Variants in TBCA observed in about 807,000 individuals in gnomAD.
TBCA encodes the protein tubulin folding cofactor A.
A neutral mutation model predicts 15.8 loss-of-function variants in TBCA; 6 were observed. That is an observed-to-expected ratio of 0.38 (90% CI 0.21 to 0.75). The LOEUF (loss-of-function observed/expected upper bound fraction) is 0.75, where lower values mean the gene tolerates loss of function less well. Ranked by LOEUF, TBCA falls within the 30% of genes least tolerant of loss-of-function variation. The pLI is 0.46. For synonymous variants in TBCA, 32 were observed against 42.3 expected (o/e 0.76, Z 0.94); for missense variants, 90 against 131.2 (o/e 0.69, Z 1.53).
intron 1 of TBCA, among the ~76,000 whole-genome samples, chr5:77,718,323 G>T (rs1225769049): frequency 6.6e-6 from 1 of 152,146 alleles, no homozygotes; most frequent in Non-Finnish European, 1.5e-5. Flanking sequence ...TGGAGAGTGG[G>T]AATTAAGTAG....
intron 2 of TBCA, chr5:77,694,411 C>T (rs772850037): frequency 9.9e-5 from 15 of 151,970 alleles, no homozygotes; most frequent in Non-Finnish European, 2.1e-4. Context: ...TATTTCTGGA[C>T]GTAAAGTCCA....
At chr5:77,691,876 A>G (rs1231967803) in intron 3 of TBCA, 2 of 998,050 alleles carry the variant, frequency 2.0e-6, no homozygotes, top group Non-Finnish European at 2.4e-6. Context: ...CATATATGAC[A>G]GCATTCAGGC....
At chr5:77,699,478 T>C (rs1745954946) in intron 2 of TBCA, among the ~76,000 whole-genome samples, 1 of 152,092 alleles carries the variant, frequency 6.6e-6, no homozygotes, top group Admixed American at 6.6e-5. Context: ...AGCAATTCAA[T>C]GAAAGGAAGA....
intron 1 of TBCA, among the ~76,000 whole-genome samples, chr5:77,755,917 T>C (rs972906045): frequency 1.3e-5 from 2 of 152,072 alleles, no homozygotes; most frequent in African/African-American, 4.8e-5. Context: ...GGCGGGAGGA[T>C]AGCTCGAACC....
chr5:77,716,551 ATATCATT>A (rs966177315), intron 1 of TBCA, among the ~76,000 whole-genome samples: 15 of 152,330 alleles, frequency 9.8e-5, no homozygotes, highest in Middle Eastern at 6.8e-3. Context: ...AATGCCATAT[ATATCATT>A]TAAGTCCTCA....
chr5:77,732,550 C>CAA (rs35780694), intron 1 of TBCA, among the ~76,000 whole-genome samples: 1,190 of 89,342 alleles, frequency 0.013, 67 homozygotes, highest in African/African-American at 0.043. Context: ...GACTCTGTCT[C>CAA]AAAAAAAAAA....
At chr5:77,775,857 G>A (rs1166540406) in intron 1 of TBCA, among the ~76,000 whole-genome samples, 1 of 152,218 alleles carries the variant, frequency 6.6e-6, no homozygotes, top group Admixed American at 6.5e-5. Flanking sequence ...GGAGAGGCCG[G>A]CGCGCGCACA....
chr5:77,693,508 A>G (rs976347208), intron 2 of TBCA, 156 bp from the exon 3 acceptor site: 4 of 976,394 alleles, frequency 4.1e-6, no homozygotes, highest in Non-Finnish European at 6.0e-6. Context: ...ATTTATTAGA[A>G]GTTAGAAAGG....
At chr5:77,727,252 AAAAAAAAAAG>A (rs1746649751) in intron 1 of TBCA, among the ~76,000 whole-genome samples, 1 of 151,294 alleles carries the variant, frequency 6.6e-6, no homozygotes, top group African/African-American at 2.4e-5. Flanking sequence ...AAAAAAAAAA[AAAAAAAAAAG>A]AATAGTGCTG....
intron 2 of TBCA, among the ~76,000 whole-genome samples, chr5:77,704,071 G>C (rs1203658254): frequency 6.6e-6 from 1 of 152,130 alleles, no homozygotes; most frequent in African/African-American, 2.4e-5. Context: ...GGTCTCCCCA[G>C]CCATGTGGAA....
intron 2 of TBCA, among the ~76,000 whole-genome samples, chr5:77,705,079 T>C (rs555809479): frequency 6.6e-6 from 1 of 152,342 alleles, no homozygotes; most frequent in African/African-American, 2.4e-5. Flanking sequence ...AATTCAGTAG[T>C]TAATCTTTAC....
chr5:77,727,492 A>C (rs1446831133), intron 1 of TBCA, among the ~76,000 whole-genome samples: 1 of 152,118 alleles, frequency 6.6e-6, no homozygotes, highest in Non-Finnish European at 1.5e-5. Flanking sequence ...GAGTACGAGA[A>C]CAATACTATA....
chr5:77,766,380 T>A (rs1747777235), intron 1 of TBCA, among the ~76,000 whole-genome samples: 1 of 152,162 alleles, frequency 6.6e-6, no homozygotes, highest in South Asian at 2.1e-4. Context: ...TATTTTCATA[T>A]CTTTTATATC....
At chr5:77,697,927 C>T (rs1745908237) in intron 2 of TBCA, among the ~76,000 whole-genome samples, 3 of 151,640 alleles carry the variant, frequency 2.0e-5, no homozygotes, top group South Asian at 2.1e-4. Flanking sequence ...CCCAGGAATT[C>T]GAGACCAGCC....
At chr5:77,739,180 G>A (rs1230948566) in intron 1 of TBCA, among the ~76,000 whole-genome samples, 1 of 152,090 alleles carries the variant, frequency 6.6e-6, no homozygotes, top group Non-Finnish European at 1.5e-5. Context: ...TTGAAACATG[G>A]CTGGGCACAG....
At chr5:77,736,056 C>T (rs911425983) in intron 1 of TBCA, among the ~76,000 whole-genome samples, 5 of 152,044 alleles carry the variant, frequency 3.3e-5, no homozygotes, top group South Asian at 2.1e-4. Flanking sequence ...AGCTGGAGGC[C>T]GGGTGCGGTG....
chr5:77,746,259 T>A (rs1747184721), intron 1 of TBCA, among the ~76,000 whole-genome samples: 1 of 152,046 alleles, frequency 6.6e-6, no homozygotes, highest in Admixed American at 6.6e-5. Flanking sequence ...TGAGGCCCCG[T>A]CTCTATGAAA....
chr5:77,760,445 G>A (rs1265805587), intron 1 of TBCA, among the ~76,000 whole-genome samples: 2 of 143,854 alleles, frequency 1.4e-5, no homozygotes, highest in Admixed American at 7.2e-5. Flanking sequence ...TCTTTCTTTC[G>A]ACAGTCTCCC....
chr5:77,693,348 T>G lies in TBCA; in HGVS notation c.164A>C (p.Glu55Ala). ...GENYDIKKQA[E>A]ILQESRMMIP... ...CATCATCCTGGATTCTTGTAGGATC[T>G]CTGCCTAGAATGAGAATCTCTGTGA... is the stretch of plus-strand genomic sequence containing the variant. Residue 55 changes from glutamate (E) to alanine (A), a missense_variant, in exon 3 of 4, where the codon GAG (glutamate) becomes GCG (alanine). Coordinates refer to ENST00000380377, the MANE Select transcript of TBCA (RefSeq NM_004607.3). The G allele has an allele frequency of 6.2e-7, 1 of 1,609,812 alleles. No individual in the cohort carries two copies. Among genetic ancestry groups the G allele is most frequent in the Non-Finnish European group, 8.5e-7 (1 of 1,178,844 alleles).
Sources: gnomAD v4.1 joint callset for allele counts (sites outside exome capture counted in the v4.1 genomes callset) on GRCh38, gnomAD v4.1.1 for gene constraint, MANE v1.5 for transcripts, NCBI Gene and HGNC (gene_info 2026-07-23, HGNC 2026-07-21) for gene names.